Variants in LRRC27 observed in about 807,000 individuals in gnomAD.
LRRC27 encodes the protein leucine-rich repeat-containing protein 27.
LRRC27 carries 57 observed loss-of-function variants against 55.0 expected under a neutral mutation model. The observed-to-expected ratio is 1.04, with a 90% CI of 0.84 to 1.29. The LOEUF (loss-of-function observed/expected upper bound fraction) is 1.29, where lower values mean the gene tolerates loss of function less well. Among genes scored for constraint, LRRC27 ranks in the 50% most tolerant of loss-of-function variants. The pLI, the probability that LRRC27 is intolerant of heterozygous loss-of-function variation, is 0.00. For missense variants in LRRC27, 721 were observed against 651.5 expected (o/e 1.11, Z -1.16); for synonymous variants, 278 against 251.9 (o/e 1.10, Z -0.98).
At position 132,366,850 on chromosome 10, in the gene LRRC27, G is replaced by A. The variant is rs45513097; in HGVS notation, c.1416+1300G>A. 0.062 allele frequency: 80,031 copies of A among 1,281,254 alleles called. 3,136 individuals are homozygous for A. The highest frequency in any genetic ancestry group is 0.17 in the African/African-American group (10,994 of 65,552). The allele number at this position is 1,281,254 out of a possible 1,614,324, so 79.4% of individuals were successfully genotyped here. A position where few individuals can be genotyped will look rare whatever the true frequency, so the allele number is the denominator to read the frequency against. On this transcript the variant is annotated intron_variant, in intron 10 of 10. Transcript: ENST00000368614. ...CGCTGTTTCCCTCTCTCCTAGAGCC[G>A]GAGATGGGAGAGAGGAGGCATGAGG...
At chr10:132,353,934 G>A (rs2068186918) in intron 7 of LRRC27, among the ~76,000 whole-genome samples, 1 of 152,186 alleles carries the variant, frequency 6.6e-6, no homozygotes, top group South Asian at 2.1e-4. Context: ...CTCCTGCCTC[G>A]GCTCTGCCAG....
Position 132,359,824 on chromosome 10 carries a change from C to T in LRRC27, c.1171-1633C>T, listed in dbSNP as rs771849941. 2.0e-4 allele frequency among the ~76,000 whole-genome samples: 31 copies of T among 152,264 alleles called. 1 individual carries two copies. Among genetic ancestry groups the T allele is most frequent in the Non-Finnish European group, 5.9e-5 (4 of 68,054 alleles). On this transcript the variant is annotated intron_variant, in intron 8 of 10. Coordinates refer to ENST00000368614, the MANE Select transcript of LRRC27 (RefSeq NM_030626.3). ...ACTTGAGCCCATATTTTGGGCTTCA[C>T]GTCAGTGGCATGTTTGACACTTGAC...
At chr10:132,335,008 C>G (rs1423366503) in intron 2 of LRRC27, 2 of 152,236 alleles carry the variant, frequency 1.3e-5, no homozygotes, top group African/African-American at 4.8e-5. Context: ...ACAGCACTTC[C>G]AGAGATCCCC....
chr10:132,338,916 G>A (rs1010589265), intron 3 of LRRC27, among the ~76,000 whole-genome samples: 6 of 152,110 alleles, frequency 3.9e-5, no homozygotes, highest in African/African-American at 1.4e-4. Flanking sequence ...TGCCATGTTG[G>A]ACAGGCTGGT....
intron 4 of LRRC27, among the ~76,000 whole-genome samples, chr10:132,343,719 G>T (rs1046385829): frequency 6.6e-6 from 1 of 152,250 alleles, no homozygotes; most frequent in Non-Finnish European, 1.5e-5. Context: ...AGCGAGCGCG[G>T]CTGAAAGGTG....
intron 5 of LRRC27, 161 bp downstream of exon 5, chr10:132,344,811 C>G (rs1466083905): frequency 7.8e-6 from 5 of 637,020 alleles, no homozygotes; most frequent in Non-Finnish European, 1.3e-5. Flanking sequence ...CAGGCCGACC[C>G]AGTCATCTCT....
intron 2 of LRRC27, 60 bp downstream of exon 2, chr10:132,333,794 A>C: frequency 7.7e-7 from 1 of 1,299,134 alleles, no homozygotes; most frequent in South Asian, 1.3e-5. Flanking sequence ...AGAAATGGGA[A>C]TGTACCCCTG....
chr10:132,362,618 C>T (rs2068676781), intron 9 of LRRC27, among the ~76,000 whole-genome samples: 1 of 151,658 alleles, frequency 6.6e-6, no homozygotes, highest in African/African-American at 2.4e-5. Flanking sequence ...GGGGTTCACC[C>T]TTCTCACCTC....
At position 132,376,454 on chromosome 10, in the gene LRRC27, C is replaced by G. The variant is rs1237624226; in HGVS notation, c.*1212C>G. 6.6e-6 allele frequency: 1 copy of G among 152,274 alleles called. No homozygotes were observed. The highest frequency in any genetic ancestry group is 1.5e-5 in the Non-Finnish European group (1 of 68,054). 9.4% of individuals were successfully genotyped at this position (152,274 alleles called of 1,614,324 possible). ...TCAGTGACCTGTTGCGGCCCAGCGG[C>G]TGGAGCAGCAGACGTTTGCCATTTC... On this transcript the variant is annotated 3_prime_UTR_variant, in exon 11 of 11. Transcript: ENST00000368614.
chr10:132,331,597 G>A (rs374412554), upstream of LRRC27: 112 of 1,612,932 alleles, frequency 6.9e-5, 1 homozygote, highest in African/African-American at 1.2e-3. Flanking sequence ...GAGAGACGCG[G>A]GGAGTGAGCC....
At chr10:132,338,488 T>C (rs2067234269) in intron 3 of LRRC27, among the ~76,000 whole-genome samples, 1 of 152,148 alleles carries the variant, frequency 6.6e-6, no homozygotes, top group South Asian at 2.1e-4. Context: ...AGGAGTTTCC[T>C]TGCATTCCCA....
At position 132,366,412 on chromosome 10, in the gene LRRC27, G is replaced by A. The variant is rs117071641; in HGVS notation, c.1416+862G>A. The stretch of plus-strand genomic sequence containing the variant: ...AATGTTAACCATCCTCTCAGCCACC[G>A]CCAGTGCTGTTTATTCACTCAGCAT... On this transcript the variant is annotated intron_variant, in intron 10 of 10. Coordinates refer to ENST00000368614, the MANE Select transcript of LRRC27 (RefSeq NM_030626.3). 4.6e-3 allele frequency: 695 copies of A among 152,648 alleles called. 2 individuals are homozygous for A. Among genetic ancestry groups the A allele is most frequent in the Non-Finnish European group, 8.2e-3 (559 of 68,276 alleles). 9.5% of individuals were successfully genotyped at this position (152,648 alleles called of 1,614,324 possible). A position where few individuals can be genotyped will look rare whatever the true frequency, so the allele number is the denominator to read the frequency against.
chr10:132,341,728 G>C (rs2067425143), intron 3 of LRRC27, among the ~76,000 whole-genome samples: 1 of 152,188 alleles, frequency 6.6e-6, no homozygotes, highest in Non-Finnish European at 1.5e-5. Context: ...TTTGGCCGTA[G>C]AAAACTTTTT....
rs114307421 is a variant in LRRC27, at chr10:132,351,277, C to T, written c.927-330C>T. On this transcript the variant is annotated intron_variant, in intron 6 of 10. Transcript: ENST00000368614. ...TCTCTGTCCAGGTCAGACAAGGGTG[C>T]GGCATTGGTCTCAAGCAGGTCGGGT... 2.9e-3 allele frequency: 765 copies of T among 263,792 alleles called. 6 individuals are homozygous for T. Among genetic ancestry groups the T allele is most frequent in the African/African-American group, 0.016 (716 of 45,494 alleles). 16.3% of individuals were successfully genotyped at this position (263,792 alleles called of 1,614,324 possible). A position where few individuals can be genotyped will look rare whatever the true frequency, so the allele number is the denominator to read the frequency against.
chr10:132,348,072 T>G lies in LRRC27; in HGVS notation c.642T>G (p.Ala214=). ...LSGDHASNQG[A]VNAQDPEGAV... Reference sequence around the variant, plus strand: ...GAGACCACGCGTCTAACCAAGGAGCTGTGAACGCTCAGGACCCAGAGGGGG... The same window carrying G: ...GAGACCACGCGTCTAACCAAGGAGCGGTGAACGCTCAGGACCCAGAGGGGG... Residue 214 remains alanine (A), a synonymous_variant, in exon 6 of 11, where the codon GCT becomes GCG. Coordinates refer to ENST00000368614, the MANE Select transcript of LRRC27 (RefSeq NM_030626.3). This position sits in a 1 kb window ranked among gnomAD's most constrained non-coding sequence, Gnocchi z 4.2. The G allele has an allele frequency of 6.2e-7, 1 of 1,614,070 alleles. No individual in the cohort carries two copies. The highest frequency in any genetic ancestry group is 1.3e-5 in the African/African-American group (1 of 75,026).
intron 7 of LRRC27, chr10:132,353,288 GT>G: frequency 8.3e-7 from 1 of 1,211,714 alleles, no homozygotes; most frequent in South Asian, 1.8e-5. Context: ...TCCTTCCCTG[GT>G]CTGTCCTGTG....
intron 10 of LRRC27, chr10:132,367,053 T>C: frequency 9.5e-7 from 1 of 1,056,166 alleles, no homozygotes; most frequent in East Asian, 9.3e-5. Flanking sequence ...CCCTGCCTCT[T>C]AGGGCTGCAA....
rs149690023 is a variant in LRRC27 at position 132,356,667 on chromosome 10, T to C, written c.1170+781T>C. Among the ~76,000 whole-genome samples the C allele has an allele frequency of 4.3e-4, 66 of 152,330 alleles. No homozygotes were observed. In the East Asian group the frequency reaches 0.01, roughly 23 times the overall value. ...GCTATGGGACACGGGACATCTTGAGTACAGTCCTCTCTTCCCATTTTCCCC... is the reference window on the plus strand; with the variant it reads ...GCTATGGGACACGGGACATCTTGAGCACAGTCCTCTCTTCCCATTTTCCCC... On this transcript the variant is annotated intron_variant, in intron 8 of 10. Coordinates refer to ENST00000368614, the MANE Select transcript of LRRC27 (RefSeq NM_030626.3).
chr10:132,364,627 ACGCCCACACTTAACACC>A (rs2068921351), intron 9 of LRRC27, among the ~76,000 whole-genome samples: 1 of 90,596 alleles, frequency 1.1e-5, no homozygotes, highest in Non-Finnish European at 2.2e-5. Context: ...ATCTACCTCC[ACGCCCACACTTAACACC>A]CACCCACACT....
Sources: allele counts gnomAD v4.1 joint callset (sites outside exome capture counted in the v4.1 genomes callset), GRCh38; gene constraint gnomAD v4.1.1; non-coding constraint Gnocchi (gnomAD v3.1); transcripts MANE v1.5; gene names NCBI Gene and HGNC (gene_info 2026-07-23, HGNC 2026-07-21).